The following GALNT9 variants were observed in gnomAD, a reference collection of about 807,000 sequenced individuals.
The protein encoded by GALNT9 is GalNAc transferase 9.
A neutral mutation model predicts 63.1 loss-of-function variants in GALNT9; 47 were observed. The observed-to-expected ratio is 0.75, with a 90% CI of 0.59 to 0.95. GALNT9 has a LOEUF of 0.95. Ranked by LOEUF, GALNT9 falls within the 40% of genes least tolerant of loss-of-function variation. The pLI, the probability that GALNT9 is intolerant of heterozygous loss-of-function variation, is 0.00. For missense variants in GALNT9, 829 were observed against 874.8 expected (o/e 0.95, Z 0.66); for synonymous variants, 396 against 365.7 (o/e 1.08, Z -0.94).
chr12:132,224,802 C>T (rs1433670170), intron 6 of GALNT9, among the ~76,000 whole-genome samples: 2 of 146,502 alleles, frequency 1.4e-5, no homozygotes, highest in Non-Finnish European at 3.0e-5. Flanking sequence ...ATACACACAC[C>T]CCACACACAT....
At position 132,245,572 on chromosome 12, in the gene GALNT9, C is replaced by T. The variant is rs564904947; in HGVS notation, c.1077+2338G>A. Among the ~76,000 whole-genome samples the T allele has an allele frequency of 3.3e-3, 476 of 142,252 alleles. 12 individuals are homozygous for T. The highest frequency in any genetic ancestry group is 0.014 in the African/African-American group (450 of 33,152). The allele number at this position is 142,252 out of a possible 152,430, so 93.3% of individuals were successfully genotyped here. A position where few individuals can be genotyped will look rare whatever the true frequency, so the allele number is the denominator to read the frequency against. ...TGACCCTCGCCCAGCCAGGGCCCTCCGTGGTCCGGCACCCACACCCCCAGC... is the reference window on the plus strand; with the variant it reads ...TGACCCTCGCCCAGCCAGGGCCCTCTGTGGTCCGGCACCCACACCCCCAGC... On this transcript the variant is annotated intron_variant, in intron 6 of 10. Transcript: ENST00000328957. The surrounding 1 kb of genome is among the most constrained non-coding windows in gnomAD (Gnocchi z 6.3).
chr12:132,251,770 G>A (rs1555238601), intron 5 of GALNT9, among the ~76,000 whole-genome samples: 1 of 152,212 alleles, frequency 6.6e-6, no homozygotes, highest in Non-Finnish European at 1.5e-5. Flanking sequence ...TGGTTCTCAG[G>A]TGGGCAGGCC....
intron 1 of GALNT9, among the ~76,000 whole-genome samples, chr12:132,311,822 G>A (rs1324487690): frequency 2.6e-5 from 4 of 152,254 alleles, no homozygotes; most frequent in African/African-American, 7.2e-5. Flanking sequence ...ACTTCAGGGA[G>A]TGTGGAGGGT....
At chr12:132,226,820 T>C (rs1877711002) in intron 6 of GALNT9, among the ~76,000 whole-genome samples, 1 of 125,928 alleles carries the variant, frequency 7.9e-6, no homozygotes, top group Non-Finnish European at 1.7e-5. Context: ...ACACATCCCA[T>C]AAACACACCC....
At chr12:132,322,740 A>C (rs537842659) in intron 1 of GALNT9, among the ~76,000 whole-genome samples, 1 of 152,336 alleles carries the variant, frequency 6.6e-6, no homozygotes, top group South Asian at 2.1e-4. Context: ...TGGTGAGCCC[A>C]GGGGACCGGG....
intron 6 of GALNT9, among the ~76,000 whole-genome samples, chr12:132,225,844 CCACACCCCA>C (rs1877653632): frequency 1.2e-5 from 1 of 84,566 alleles, no homozygotes; most frequent in Admixed American, 1.1e-4. Context: ...ACCACACAAC[CCACACCCCA>C]CACACTGTGT....
intron 4 of GALNT9, among the ~76,000 whole-genome samples, chr12:132,260,067 GACCCCGTAGGT>G (rs1879317455): frequency 1.3e-5 from 2 of 151,790 alleles, no homozygotes; most frequent in South Asian, 2.1e-4. Context: ...GTGCACTATG[GACCCCGTAGGT>G]GCCCTCTGTG....
rs782803027 is a variant in GALNT9 at position 132,262,511 on chromosome 12, C to T, written c.534G>A (p.Thr178=). ...LRSVHSVVNH[T]PSQLLKEVIL... ...TGACCTCCTTGAGGAGCTGGGAGGG[C>T]GTGTGGTTGACCACGCTGTGCACGG... Residue 178 remains threonine, a synonymous_variant, in exon 3 of 11, where the codon ACG becomes ACA. Coordinates refer to ENST00000328957, the MANE Select transcript of GALNT9 (RefSeq NM_001122636.2). 29 of 1,551,196 alleles carry T rather than the reference C, an allele frequency of 1.9e-5. No individual in the cohort carries two copies. Among genetic ancestry groups the T allele is most frequent in the African/African-American group, 4.1e-5 (3 of 73,048 alleles).
At position 132,245,583 on chromosome 12, in the gene GALNT9, AC is replaced by A. The variant is rs1878677885; in HGVS notation, c.1077+2326del. Among the ~76,000 whole-genome samples, 1 of 150,764 alleles carries A rather than the reference AC, an allele frequency of 6.6e-6. No homozygotes were observed. The highest frequency in any genetic ancestry group is 2.1e-4 in the South Asian group (1 of 4,780). On this transcript the variant is annotated intron_variant, in intron 6 of 10. Transcript: ENST00000328957. The surrounding 1 kb of genome is among the most constrained non-coding windows in gnomAD (Gnocchi z 6.3). ...CAGCCAGGGCCCTCCGTGGTCCGGCACCCACACCCCCAGCCCAGCCTGCTGA... is the reference window on the plus strand; with the variant it reads ...CAGCCAGGGCCCTCCGTGGTCCGGCACCACACCCCCAGCCCAGCCTGCTGA...
intron 6 of GALNT9, chr12:132,205,565 G>C (rs1181687300): frequency 6.6e-6 from 1 of 152,298 alleles, no homozygotes; most frequent in Non-Finnish European, 1.5e-5. Flanking sequence ...ACCCACAGGG[G>C]TCCGGCTCCT....
intron 1 of GALNT9, among the ~76,000 whole-genome samples, chr12:132,293,806 T>C (rs1173601682): frequency 1.3e-5 from 2 of 151,780 alleles, no homozygotes; most frequent in African/African-American, 4.8e-5. Flanking sequence ...GGGTCCCGTA[T>C]ACAGTCAGGG....
At chr12:132,197,352 C>T (rs1034865147) in intron 10 of GALNT9, 99 bp from the exon 11 acceptor site, 15 of 1,524,014 alleles carry the variant, frequency 9.8e-6, no homozygotes, top group Non-Finnish European at 1.1e-5. Context: ...CCCTCGTGCT[C>T]ATTCTTGGGG....
intron 1 of GALNT9, among the ~76,000 whole-genome samples, chr12:132,288,107 G>A (rs1307587716): frequency 6.6e-6 from 1 of 152,294 alleles, no homozygotes; most frequent in Middle Eastern, 3.4e-3. Context: ...CTTCTCTCGC[G>A]GCGCCAGCTC....
chr12:132,292,838 A>C (rs1880912476), intron 1 of GALNT9, among the ~76,000 whole-genome samples: 1 of 152,190 alleles, frequency 6.6e-6, no homozygotes, highest in Admixed American at 6.5e-5. Context: ...TGTTCGGTGG[A>C]ATCCATGGGA....
In GALNT9 at chr12:132,210,532, G is replaced by A. The variant is rs914951272; in HGVS notation, c.1078-6842C>T. Among the ~76,000 whole-genome samples, 4 of 152,236 alleles carry A rather than the reference G, an allele frequency of 2.6e-5. No homozygotes were observed. The South Asian group carries it at 6.2e-4, about 24-fold the overall frequency. The stretch of plus-strand genomic sequence containing the variant: ...GCCATGAGGCTTGGGCAGGAGGTGC[G>A]CCCTGGCTGGGGACGGCTTCCTGAA... On this transcript the variant is annotated intron_variant, in intron 6 of 10. Transcript: ENST00000328957.
intron 2 of GALNT9, chr12:132,277,289 T>G (rs1403000206): frequency 6.5e-6 from 1 of 154,852 alleles, no homozygotes; most frequent in Non-Finnish European, 1.5e-5. Flanking sequence ...AGATGCAGCT[T>G]CCGTGGCTGC....
chr12:132,243,378 C>T (rs1472526179), intron 6 of GALNT9, among the ~76,000 whole-genome samples: 1 of 152,200 alleles, frequency 6.6e-6, no homozygotes, highest in Non-Finnish European at 1.5e-5. Flanking sequence ...GTCCAGTCCT[C>T]CCCGTCCTCC....
chr12:132,225,015 C>G (rs1263282208), intron 6 of GALNT9, among the ~76,000 whole-genome samples: 1 of 128,792 alleles, frequency 7.8e-6, no homozygotes, highest in Non-Finnish European at 1.6e-5. Flanking sequence ...ATACGTACAC[C>G]CCCCCCACAC....
rs1555241674 is a variant in GALNT9, at chr12:132,281,508, TTC to T, written c.419+4740_419+4741del. On this transcript the variant is annotated intron_variant, in intron 2 of 10. Coordinates refer to ENST00000328957, the MANE Select transcript of GALNT9 (RefSeq NM_001122636.2). ...TGTAAATATCTATATAAAATTCACA[TTC>T]TCTAATTCAGGAGGCAGAGAGCTGT... is the stretch of plus-strand genomic sequence containing the variant. Among the ~76,000 whole-genome samples, 3 of 152,344 alleles carry T rather than the reference TTC, an allele frequency of 2.0e-5. No homozygotes were observed. The East Asian group carries it at 5.8e-4, about 29-fold the overall frequency.
Sources: allele counts gnomAD v4.1 joint callset (sites outside exome capture counted in the v4.1 genomes callset), GRCh38; gene constraint gnomAD v4.1.1; non-coding constraint Gnocchi (gnomAD v3.1); transcripts MANE v1.5; gene names NCBI Gene and HGNC (gene_info 2026-07-23, HGNC 2026-07-21).